DCC: variants seen among roughly 807,000 people sequenced by gnomAD.
DCC encodes the protein netrin receptor DCC.
A neutral mutation model predicts 172.5 loss-of-function variants in DCC; 58 were observed. That is an observed-to-expected ratio of 0.34 (90% CI 0.27 to 0.42). DCC has a LOEUF of 0.42. Ranked by LOEUF, DCC falls within the 10% of genes least tolerant of loss-of-function variation. The pLI, the probability that DCC is intolerant of heterozygous loss-of-function variation, is 1.00. For missense variants in DCC, 1,740 were observed against 1,791.0 expected (o/e 0.97, Z 0.51); for synonymous variants, 709 against 644.5 (o/e 1.10, Z -1.52).
intron 12 of DCC, among the ~76,000 whole-genome samples, chr18:53,281,911 G>A (rs924423797): frequency 2.0e-5 from 3 of 152,002 alleles, no homozygotes; most frequent in African/African-American, 7.2e-5. Context: ...ACACAGCTAC[G>A]CTGGGGTAGG....
At chr18:52,544,827 A>C (rs2032568148) in intron 1 of DCC, among the ~76,000 whole-genome samples, 1 of 152,186 alleles carries the variant, frequency 6.6e-6, no homozygotes. Context: ...TGGAAAAGTT[A>C]AGAGTTTGGC....
intron 2 of DCC, among the ~76,000 whole-genome samples, chr18:52,853,241 G>T (rs1246043931): frequency 1.3e-5 from 2 of 152,130 alleles, no homozygotes; most frequent in Non-Finnish European, 2.9e-5. Context: ...GAAGTTTAGT[G>T]CCTGGCACAG....
chr18:52,474,767 T>A (rs1989046635), intron 1 of DCC, among the ~76,000 whole-genome samples: 1 of 152,190 alleles, frequency 6.6e-6, no homozygotes, highest in Non-Finnish European at 1.5e-5. Context: ...TCTCTTCCGC[T>A]CCATCTGGTT....
At chr18:52,560,805 T>C (rs1317248273) in intron 1 of DCC, among the ~76,000 whole-genome samples, 1 of 152,214 alleles carries the variant, frequency 6.6e-6, no homozygotes, top group Non-Finnish European at 1.5e-5. Flanking sequence ...GTATGGTGTG[T>C]GAAATATGGC....
At chr18:53,291,990 A>G (rs868032553) in intron 12 of DCC, among the ~76,000 whole-genome samples, 1 of 152,174 alleles carries the variant, frequency 6.6e-6, no homozygotes, top group African/African-American at 2.4e-5. Context: ...CTACTAGGCT[A>G]TGCATAGAAA....
chr18:52,385,475 G>A (rs1039523041), intron 1 of DCC, among the ~76,000 whole-genome samples: 17 of 152,104 alleles, frequency 1.1e-4, no homozygotes, highest in Admixed American at 7.2e-4. Flanking sequence ...AAAGTGCTGG[G>A]ATTGCAGGCG....
chr18:52,698,632 A>T (rs1230188159), intron 1 of DCC, among the ~76,000 whole-genome samples: 1 of 151,732 alleles, frequency 6.6e-6, no homozygotes, highest in African/African-American at 2.4e-5. Context: ...TCACTCTGTC[A>T]CTCAGGCTGG....
intron 9 of DCC, among the ~76,000 whole-genome samples, chr18:53,188,652 G>A (rs898936774): frequency 2.0e-5 from 3 of 152,136 alleles, no homozygotes; most frequent in Non-Finnish European, 4.4e-5. Flanking sequence ...CCTTAACAAA[G>A]TGCCACAAAC....
chr18:53,300,977 CT>C, intron 12 of DCC, among the ~76,000 whole-genome samples: 1 of 143,010 alleles, frequency 7.0e-6, no homozygotes, highest in African/African-American at 2.5e-5. Context: ...TTCTTTCTTT[CT>C]TTCTTTCTTT....
chr18:52,607,576 G>A (rs1372498344), intron 1 of DCC, among the ~76,000 whole-genome samples: 1 of 152,116 alleles, frequency 6.6e-6, no homozygotes, highest in East Asian at 1.9e-4. Flanking sequence ...CCTCACCAGA[G>A]TCTTCTTTAG....
intron 1 of DCC, among the ~76,000 whole-genome samples, chr18:52,553,629 G>T (rs2032835707): frequency 1.3e-5 from 2 of 151,920 alleles, no homozygotes; most frequent in South Asian, 4.1e-4. Context: ...CAGTGTGAGT[G>T]CACACTCTGG....
intron 26 of DCC, among the ~76,000 whole-genome samples, chr18:53,493,886 T>C (rs1395230478): frequency 6.6e-6 from 1 of 152,204 alleles, no homozygotes; most frequent in Non-Finnish European, 1.5e-5. Context: ...ATTTGTTTGC[T>C]CTTGCTTCTC....
intron 1 of DCC, among the ~76,000 whole-genome samples, chr18:52,643,827 A>G (rs762593429): frequency 3.3e-5 from 5 of 152,352 alleles, no homozygotes; most frequent in Admixed American, 6.5e-5. Flanking sequence ...CCTCCTTGCC[A>G]GGATAAAATG....
chr18:53,378,217 T>G (rs1223860840), intron 15 of DCC, among the ~76,000 whole-genome samples: 1 of 152,158 alleles, frequency 6.6e-6, no homozygotes, highest in African/African-American at 2.4e-5. Flanking sequence ...TGCCTCAGCC[T>G]CCCAAAGTGC....
intron 7 of DCC, among the ~76,000 whole-genome samples, chr18:53,110,169 G>A (rs1301917885): frequency 6.6e-6 from 1 of 151,594 alleles, no homozygotes; most frequent in South Asian, 2.1e-4. Flanking sequence ...ATATTTAAAT[G>A]ATTAAAAAGT....
At chr18:52,736,185 C>T (rs576615117) in intron 1 of DCC, among the ~76,000 whole-genome samples, 2 of 151,862 alleles carry the variant, frequency 1.3e-5, no homozygotes, top group South Asian at 4.2e-4. Context: ...CTCTCTGGGT[C>T]TTTGTCCCTA....
intron 13 of DCC, among the ~76,000 whole-genome samples, chr18:53,307,117 C>T (rs1186494374): frequency 6.6e-6 from 1 of 152,106 alleles, no homozygotes; most frequent in African/African-American, 2.4e-5. Flanking sequence ...TCTTTTCTCT[C>T]AGGTTGTCTT....
intron 27 of DCC, among the ~76,000 whole-genome samples, chr18:53,500,222 GAGAGGC>G (rs2046079857): frequency 1.3e-5 from 2 of 152,018 alleles, no homozygotes; most frequent in African/African-American, 4.8e-5. Flanking sequence ...GAGGGGGAGA[GAGAGGC>G]AGAGACAGAA....
chr18:53,507,634 C>T (rs1185881551), intron 27 of DCC, among the ~76,000 whole-genome samples: 2 of 152,112 alleles, frequency 1.3e-5, no homozygotes, highest in Non-Finnish European at 2.9e-5. Context: ...AAAAGGGATT[C>T]TACAAGCTTT....
Sources: gnomAD v4.1 joint callset for allele counts (sites outside exome capture counted in the v4.1 genomes callset) on GRCh38, gnomAD v4.1.1 for gene constraint, MANE v1.5 for transcripts, NCBI Gene and HGNC (gene_info 2026-07-23, HGNC 2026-07-21) for gene names.